Variants in CSMD1 observed in about 807,000 individuals in gnomAD.
CSMD1 encodes the protein CUB and sushi domain-containing protein 1.
A neutral mutation model predicts 417.5 loss-of-function variants in CSMD1; 213 were observed. That is an observed-to-expected ratio of 0.51 (90% confidence interval 0.46 to 0.57). The LOEUF is 0.57. Ranked by LOEUF, CSMD1 falls within the 20% of genes least tolerant of loss-of-function variation. CSMD1 has a pLI of 0.00. For synonymous variants in CSMD1, 2,862 were observed against 1,736.8 expected, an observed-to-expected ratio of 1.65 and a Z score of -16.11; for missense variants, 6,923 against 4,529.7, an observed-to-expected ratio of 1.53 and a Z score of -15.17.
rs1801510736 is a variant in CSMD1 at position 4,357,752 on chromosome 8, A to G, written c.415+62201T>C. Among the ~76,000 whole-genome samples the G allele has an allele frequency of 2.6e-5, 4 of 152,210 alleles. 1 individual carries two copies. Among genetic ancestry groups the G allele is most frequent in the African/African-American group, 9.6e-5 (4 of 41,458 alleles). On this transcript the variant is annotated intron_variant, in intron 3 of 69. Coordinates refer to ENST00000635120, the MANE Select transcript of CSMD1 (RefSeq NM_033225.6). ...ACTCAAGCCAAAATTTTAAAGGTATATTGTAAAAGAAAAATGAAAAGAATA... is the reference window on the plus strand; with the variant it reads ...ACTCAAGCCAAAATTTTAAAGGTATGTTGTAAAAGAAAAATGAAAAGAATA...
intron 5 of CSMD1, among the ~76,000 whole-genome samples, chr8:3,785,661 C>A (rs182453981): frequency 2.6e-5 from 4 of 152,114 alleles, no homozygotes; most frequent in Admixed American, 2.0e-4. Context: ...GAGTTGGCAT[C>A]GCCCTGAGGG....
chr8:4,734,414 T>C (rs1305755743), intron 1 of CSMD1, among the ~76,000 whole-genome samples: 1 of 151,828 alleles, frequency 6.6e-6, no homozygotes, highest in Non-Finnish European at 1.5e-5. Context: ...GTTTAGTGAG[T>C]CCCTGAAAAA....
chr8:3,415,019 G>GCAC (rs1230022002), intron 12 of CSMD1, among the ~76,000 whole-genome samples: 1 of 152,012 alleles, frequency 6.6e-6, no homozygotes, highest in Non-Finnish European at 1.5e-5. Flanking sequence ...TAAATCTGTA[G>GCAC]CACCTGTTCA....
intron 1 of CSMD1, among the ~76,000 whole-genome samples, chr8:4,833,175 A>T (rs919611658): frequency 3.3e-5 from 5 of 151,952 alleles, no homozygotes; most frequent in Non-Finnish European, 5.9e-5. Flanking sequence ...ACACTGCTAT[A>T]AAAAAAACTA....
chr8:3,395,142 T>C (rs1390354402), intron 17 of CSMD1, among the ~76,000 whole-genome samples: 4 of 152,180 alleles, frequency 2.6e-5, no homozygotes, highest in Non-Finnish European at 5.9e-5. Context: ...CCCATCATAG[T>C]AGACATGATT....
chr8:4,387,751 C>A (rs967118461), intron 3 of CSMD1, among the ~76,000 whole-genome samples: 2 of 151,914 alleles, frequency 1.3e-5, no homozygotes, highest in Admixed American at 6.6e-5. Flanking sequence ...ACAACATATT[C>A]AAAAATCCTA....
intron 3 of CSMD1, among the ~76,000 whole-genome samples, chr8:4,038,092 T>A (rs562305320): frequency 1.3e-5 from 2 of 151,938 alleles, no homozygotes; most frequent in African/African-American, 4.8e-5. Flanking sequence ...ACTCAGCAAA[T>A]GGGAAAAAAT....
intron 2 of CSMD1, among the ~76,000 whole-genome samples, chr8:4,438,953 A>C (rs1204347656): frequency 6.6e-6 from 1 of 152,224 alleles, no homozygotes; most frequent in Admixed American, 6.5e-5. Context: ...TAAATGAATT[A>C]ATGTGAAGTC....
chr8:4,228,940 T>A (rs1164264655), intron 3 of CSMD1, among the ~76,000 whole-genome samples: 1 of 152,214 alleles, frequency 6.6e-6, no homozygotes, highest in Non-Finnish European at 1.5e-5. Context: ...GTGCTGGGAT[T>A]ACAGGAGTGA....
chr8:3,687,681 G>C (rs866760817), intron 7 of CSMD1, among the ~76,000 whole-genome samples: 1 of 152,196 alleles, frequency 6.6e-6, no homozygotes. Flanking sequence ...GAGGCTCCCT[G>C]AGCCCCACCG....
At chr8:3,728,172 C>T (rs1055018199) in intron 6 of CSMD1, among the ~76,000 whole-genome samples, 4 of 152,110 alleles carry the variant, frequency 2.6e-5, no homozygotes, top group East Asian at 1.9e-4. Flanking sequence ...TGCTGTTGCC[C>T]CCATACTGTT....
chr8:2,955,882 A>G, intron 63 of CSMD1, 114 bp from the exon 64 acceptor site: 1 of 669,444 alleles, frequency 1.5e-6, no homozygotes, highest in East Asian at 2.9e-5. Flanking sequence ...CAATATGTAT[A>G]TATACATATA....
chr8:4,969,052 G>A (rs1019195449), intron 1 of CSMD1, among the ~76,000 whole-genome samples: 11 of 152,146 alleles, frequency 7.2e-5, no homozygotes, highest in African/African-American at 2.7e-4. Flanking sequence ...AATTCATCCT[G>A]AATGCCACCA....
At chr8:4,256,330 T>G (rs562360680) in intron 3 of CSMD1, among the ~76,000 whole-genome samples, 1 of 152,330 alleles carries the variant, frequency 6.6e-6, no homozygotes, top group East Asian at 1.9e-4. Flanking sequence ...AGACCAGCTC[T>G]GAATTTCTAG....
In CSMD1 at chr8:3,701,152, C is replaced by T. The variant is rs1309028443; in HGVS notation, c.1009+7262G>A. Among the ~76,000 whole-genome samples, 92 of 152,172 alleles carry T rather than the reference C, an allele frequency of 6.0e-4. 1 individual carries two copies. The highest frequency in any genetic ancestry group is 1.9e-4 in the Non-Finnish European group (13 of 68,010). On this transcript the variant is annotated intron_variant, in intron 7 of 69. Coordinates refer to ENST00000635120, the MANE Select transcript of CSMD1 (RefSeq NM_033225.6). ...AAGAGGGAGAGAGATGCCTGTTAGA[C>T]ATCAACGTGACTCCCAAGTAAGCCC...
chr8:4,841,804 G>C (rs989334202), intron 1 of CSMD1, among the ~76,000 whole-genome samples: 4 of 151,236 alleles, frequency 2.6e-5, no homozygotes, highest in African/African-American at 7.3e-5. Flanking sequence ...CTAGCTACTC[G>C]GGAGGCTGAG....
chr8:4,113,435 C>A (rs1420963554), intron 3 of CSMD1, among the ~76,000 whole-genome samples: 1 of 128,416 alleles, frequency 7.8e-6, no homozygotes, highest in Non-Finnish European at 1.5e-5. Flanking sequence ...GACAGTATCT[C>A]GCTCTGTCAC....
intron 1 of CSMD1, among the ~76,000 whole-genome samples, chr8:4,890,911 T>G (rs116622342): frequency 6.6e-6 from 1 of 151,204 alleles, no homozygotes. Context: ...AAGGAGGGAG[T>G]GGTGCACCTG....
intron 1 of CSMD1, among the ~76,000 whole-genome samples, chr8:4,951,313 G>A (rs1262295748): frequency 6.6e-6 from 1 of 152,006 alleles, no homozygotes; most frequent in Non-Finnish European, 1.5e-5. Flanking sequence ...TTGAACTGCG[G>A]ACTTCACAAA....
Sources: gnomAD v4.1 joint callset for allele counts (sites outside exome capture counted in the v4.1 genomes callset) on GRCh38, gnomAD v4.1.1 for gene constraint, MANE v1.5 for transcripts, NCBI Gene and HGNC (gene_info 2026-07-23, HGNC 2026-07-21) for gene names.